Variants in RASAL2 observed in about 807,000 individuals in gnomAD.
RASAL2 encodes RAS protein activator like 2.
RASAL2 carries 58 observed loss-of-function variants against 128.9 expected under a neutral mutation model. That is an observed-to-expected ratio of 0.45 (90% confidence interval 0.36 to 0.56). The LOEUF (loss-of-function observed/expected upper bound fraction) is 0.56, where lower values mean the gene tolerates loss of function less well. RASAL2 is among the 20% of genes least tolerant of loss of function. The probability of loss-of-function intolerance (pLI) is 0.00; values close to 1 mark genes in which losing one functional copy is unlikely to be tolerated. For missense variants in RASAL2, 1,360 were observed against 1,601.6 expected, an observed-to-expected ratio of 0.85 and a Z score of 2.57; for synonymous variants, 561 against 580.8, an observed-to-expected ratio of 0.97 and a Z score of 0.49.
intron 1 of RASAL2, among the ~76,000 whole-genome samples, chr1:178,192,133 G>A (rs1251697602): frequency 1.3e-5 from 2 of 152,132 alleles, no homozygotes; most frequent in Non-Finnish European, 2.9e-5. Context: ...ACAGTGAGGG[G>A]GTCGGAGGTG....
intron 3 of RASAL2, among the ~76,000 whole-genome samples, chr1:178,314,062 G>T (rs1022514932): frequency 4.6e-5 from 7 of 152,124 alleles, no homozygotes; most frequent in African/African-American, 1.7e-4. Flanking sequence ...CATAAATGCT[G>T]TGCCTATGAT....
At chr1:178,119,083 G>A (rs912065601) in intron 1 of RASAL2, among the ~76,000 whole-genome samples, 3 of 152,116 alleles carry the variant, frequency 2.0e-5, no homozygotes, top group African/African-American at 7.2e-5. Context: ...GGCCAGGTTG[G>A]TCTCGAACTC....
intron 1 of RASAL2, among the ~76,000 whole-genome samples, chr1:178,204,647 C>T (rs1662981493): frequency 6.6e-6 from 1 of 152,114 alleles, no homozygotes; most frequent in Non-Finnish European, 1.5e-5. Context: ...AATTAAAAAG[C>T]AAAACATTGA....
intron 3 of RASAL2, among the ~76,000 whole-genome samples, chr1:178,361,481 G>A (rs1052954280): frequency 3.9e-5 from 6 of 151,920 alleles, no homozygotes; most frequent in African/African-American, 1.2e-4. Flanking sequence ...ATTAGTACCC[G>A]TTAGCTTTTT....
At chr1:178,462,361 A>G (rs1336371112) in intron 14 of RASAL2, among the ~76,000 whole-genome samples, 1 of 152,198 alleles carries the variant, frequency 6.6e-6, no homozygotes, top group Non-Finnish European at 1.5e-5. Flanking sequence ...TATTTTATTG[A>G]GCATCTGTTG....
At chr1:178,324,110 A>AT (rs1189384079) in intron 3 of RASAL2, among the ~76,000 whole-genome samples, 5 of 152,168 alleles carry the variant, frequency 3.3e-5, no homozygotes, top group Non-Finnish European at 7.4e-5. Flanking sequence ...TGAGATTTTT[A>AT]TTATGATTCA....
intron 3 of RASAL2, among the ~76,000 whole-genome samples, chr1:178,321,937 G>A (rs1024441843): frequency 3.3e-5 from 5 of 151,272 alleles, no homozygotes; most frequent in Admixed American, 6.6e-5. Flanking sequence ...TTGGTGAGCC[G>A]AGATCGCGCC....
In RASAL2 at chr1:178,218,634, C is replaced by T. The variant is rs569607892; in HGVS notation, c.203-64930C>T. On this transcript the variant is annotated intron_variant, in intron 1 of 17. Coordinates refer to ENST00000367649, the MANE Select transcript of RASAL2 (RefSeq NM_170692.4). ...TCCTGGAGGAGGAGGTTGCAATGAG[C>T]CAAGATGCGCCATTACACTCCAGCC... 6.6e-5 allele frequency among the ~76,000 whole-genome samples: 10 copies of T among 152,334 alleles called. No homozygotes were observed. The East Asian group carries it at 1.4e-3, about 21-fold the overall frequency.
chr1:178,446,603 A>G (rs942067303), intron 9 of RASAL2, among the ~76,000 whole-genome samples: 3 of 152,192 alleles, frequency 2.0e-5, no homozygotes, highest in Admixed American at 2.0e-4. Flanking sequence ...TTTAATTTGC[A>G]CAAGCCATTT....
chr1:178,215,822 A>G (rs1663405891), intron 1 of RASAL2, among the ~76,000 whole-genome samples: 1 of 152,184 alleles, frequency 6.6e-6, no homozygotes, highest in South Asian at 2.1e-4. Flanking sequence ...ATTAGGAATA[A>G]TTAGACCAGA....
chr1:178,218,143 T>C (rs1273283387), intron 1 of RASAL2, among the ~76,000 whole-genome samples: 1 of 151,994 alleles, frequency 6.6e-6, no homozygotes, highest in African/African-American at 2.4e-5. Flanking sequence ...TTCTAACACA[T>C]CTGCATTACA....
At chr1:178,270,098 A>G (rs1666176087) in intron 1 of RASAL2, among the ~76,000 whole-genome samples, 2 of 152,146 alleles carry the variant, frequency 1.3e-5, no homozygotes. Context: ...TCATTGCTCC[A>G]TTGTCTTCCA....
At chr1:178,452,692 A>G in intron 11 of RASAL2, 40 bp downstream of exon 11, 1 of 1,535,552 alleles carries the variant, frequency 6.5e-7, no homozygotes, top group Non-Finnish European at 9.0e-7. Flanking sequence ...AACACAGTTT[A>G]AAAAATACTT....
chr1:178,377,177 C>T (rs1388773338), intron 3 of RASAL2, among the ~76,000 whole-genome samples: 5 of 152,010 alleles, frequency 3.3e-5, no homozygotes, highest in Admixed American at 1.3e-4. Flanking sequence ...CTAAATGACT[C>T]TGTTGACTAT....
At chr1:178,199,586 G>A (rs1169509097) in intron 1 of RASAL2, among the ~76,000 whole-genome samples, 1 of 152,108 alleles carries the variant, frequency 6.6e-6, no homozygotes, top group Non-Finnish European at 1.5e-5. Flanking sequence ...TTCATAAATT[G>A]GAATATATTT....
At chr1:178,438,478 A>C (rs909332191) in intron 5 of RASAL2, among the ~76,000 whole-genome samples, 4 of 151,916 alleles carry the variant, frequency 2.6e-5, no homozygotes, top group South Asian at 2.1e-4. Context: ...TGTTTACTTC[A>C]ATAGATACTA....
intron 2 of RASAL2, among the ~76,000 whole-genome samples, chr1:178,284,467 C>T (rs1202125964): frequency 6.6e-6 from 1 of 152,168 alleles, no homozygotes; most frequent in Non-Finnish European, 1.5e-5. Flanking sequence ...TCAAGAAGGG[C>T]AGAGAGTAGA....
chr1:178,309,558 A>G (rs1668141791), intron 3 of RASAL2, among the ~76,000 whole-genome samples: 2 of 152,154 alleles, frequency 1.3e-5, no homozygotes, highest in South Asian at 2.1e-4. Flanking sequence ...AAGATTTGGA[A>G]GGATGTATGT....
At chr1:178,097,045 A>C (rs1339168101) in intron 1 of RASAL2, among the ~76,000 whole-genome samples, 2 of 152,238 alleles carry the variant, frequency 1.3e-5, no homozygotes, top group African/African-American at 4.8e-5. Flanking sequence ...CTGTGTGTTC[A>C]AAACCTTCGT....
Sources: gnomAD v4.1 joint callset for allele counts (sites outside exome capture counted in the v4.1 genomes callset) on GRCh38, gnomAD v4.1.1 for gene constraint, MANE v1.5 for transcripts, NCBI Gene and HGNC (gene_info 2026-07-23, HGNC 2026-07-21) for gene names.